The following NSD1 variants were observed in gnomAD, a reference collection of about 807,000 sequenced individuals.
NSD1 encodes nuclear receptor binding SET domain protein 1.
NSD1 carries 26 observed loss-of-function variants against 242.7 expected under a neutral mutation model. The ratio of observed to expected loss-of-function variants is 0.11; its 90% CI spans 0.08 to 0.15. The LOEUF (loss-of-function observed/expected upper bound fraction) is 0.15. Among genes scored for constraint, NSD1 ranks in the 10% least tolerant of loss-of-function variants. The probability of loss-of-function intolerance (pLI) is 1.00; values close to 1 mark genes in which losing one functional copy is unlikely to be tolerated. For missense variants in NSD1, 2,495 were observed against 3,272.8 expected, an observed-to-expected ratio of 0.76 and a Z score of 5.80; for synonymous variants, 1,106 against 1,178.1, an observed-to-expected ratio of 0.94 and a Z score of 1.25.
intron 2 of NSD1, among the ~76,000 whole-genome samples, chr5:177,138,342 T>A (rs562576884): frequency 6.6e-6 from 1 of 151,490 alleles, no homozygotes; most frequent in East Asian, 2.0e-4. Flanking sequence ...TTCAACCACC[T>A]CCTCCTGGGT....
At chr5:177,221,383 C>A (rs1000537251) in intron 5 of NSD1, among the ~76,000 whole-genome samples, 40 of 151,856 alleles carry the variant, frequency 2.6e-4, no homozygotes, top group African/African-American at 9.4e-4. Flanking sequence ...ATGTTGTTAC[C>A]ATGGGGCTTA....
At chr5:177,152,486 T>A (rs1301659185) in intron 2 of NSD1, among the ~76,000 whole-genome samples, 1 of 147,856 alleles carries the variant, frequency 6.8e-6, no homozygotes, top group African/African-American at 2.5e-5. Context: ...CTTTTTTTTT[T>A]TTTTTTTTTT....
intron 2 of NSD1, among the ~76,000 whole-genome samples, chr5:177,138,031 C>T (rs762133642): frequency 2.6e-5 from 4 of 151,216 alleles, no homozygotes; most frequent in Admixed American, 6.6e-5. Flanking sequence ...GCCAAGATTG[C>T]GCCATTGCAC....
chr5:177,258,892 C>T (rs927771218), intron 13 of NSD1, among the ~76,000 whole-genome samples: 3 of 151,942 alleles, frequency 2.0e-5, no homozygotes, highest in Non-Finnish European at 4.4e-5. Flanking sequence ...CTCTGTTGCC[C>T]AGTGTGATCT....
chr5:177,195,084 G>C (rs1022186457), intron 3 of NSD1, among the ~76,000 whole-genome samples: 2 of 152,024 alleles, frequency 1.3e-5, no homozygotes, highest in African/African-American at 4.8e-5. Context: ...GCTTGAGCCC[G>C]GGATGTGGAG....
At position 177,135,369 on chromosome 5, in the gene NSD1, G is replaced by A. The variant is rs867259682; in HGVS notation, c.266G>A (p.Gly89Glu). 6.2e-7 allele frequency: 1 copy of A among 1,612,624 alleles called. No homozygotes were observed. Among genetic ancestry groups the A allele is most frequent in the East Asian group, 2.2e-5 (1 of 44,856 alleles). Residue 89 changes from glycine to glutamate, a missense_variant, in exon 2 of 23, where the codon GGG (glycine) becomes GAG (glutamate). Physicochemically the swap from Gly to Glu is moderately conservative, Grantham distance 98. Around this residue, in one of 19 missense-constraint regions of NSD1, gnomAD observed 376 missense variants for 367.4 expected, o/e 1.02. Coordinates refer to ENST00000439151, the MANE Select transcript of NSD1 (RefSeq NM_022455.5). ...ATGATCAATGTAGAGTATTTAAATG[G>A]GTCTGCTGATGGATCAGAATCCTTT... ...ASMINVEYLNGSADGSESFQD... is the reference protein window; with the variant it reads ...ASMINVEYLNESADGSESFQD...
chr5:177,166,002 C>T (rs1333343173), intron 2 of NSD1, among the ~76,000 whole-genome samples: 8 of 151,574 alleles, frequency 5.3e-5, no homozygotes, highest in East Asian at 2.0e-4. Context: ...CTCCGCCTCC[C>T]GGGTTCAAGC....
At chr5:177,176,582 C>T (rs1401130036) in intron 2 of NSD1, among the ~76,000 whole-genome samples, 2 of 152,124 alleles carry the variant, frequency 1.3e-5, no homozygotes, top group Non-Finnish European at 2.9e-5. Context: ...CAGGCACACA[C>T]CACCACACCC....
chr5:177,207,384 G>C (rs770787609), intron 4 of NSD1, among the ~76,000 whole-genome samples: 1 of 151,562 alleles, frequency 6.6e-6, no homozygotes, highest in African/African-American at 2.4e-5. Flanking sequence ...CCGGGTTCAC[G>C]CCATTCTCCT....
chr5:177,230,366 A>T (rs994157799), intron 5 of NSD1, among the ~76,000 whole-genome samples: 1 of 152,156 alleles, frequency 6.6e-6, no homozygotes, highest in African/African-American at 2.4e-5. Context: ...CACCTAATAG[A>T]TGTATCCAGT....
intron 5 of NSD1, among the ~76,000 whole-genome samples, chr5:177,214,668 CTTTTT>C (rs35392696): frequency 8.1e-6 from 1 of 123,694 alleles, no homozygotes. Flanking sequence ...ACAGGATCAC[CTTTTT>C]TTTTTTTTTT....
chr5:177,136,326 G>C, intron 2 of NSD1: 1 of 226,860 alleles, frequency 4.4e-6, no homozygotes, highest in Non-Finnish European at 8.6e-6. Context: ...ATACATATAT[G>C]ATTAAAAAAA....
chr5:177,217,456 A>G (rs1763863753), intron 5 of NSD1, among the ~76,000 whole-genome samples: 1 of 152,170 alleles, frequency 6.6e-6, no homozygotes, highest in Non-Finnish European at 1.5e-5. Flanking sequence ...TTGCTTCCCT[A>G]TTTATTGCCT....
intron 5 of NSD1, among the ~76,000 whole-genome samples, chr5:177,219,804 A>G (rs982479323): frequency 3.9e-5 from 6 of 152,170 alleles, no homozygotes; most frequent in Non-Finnish European, 8.8e-5. Flanking sequence ...TCCACTAAAA[A>G]TACAAAAACT....
At chr5:177,223,585 CAA>C (rs1416876759) in intron 5 of NSD1, among the ~76,000 whole-genome samples, 1 of 151,986 alleles carries the variant, frequency 6.6e-6, no homozygotes, top group African/African-American at 2.4e-5. Context: ...AAAAACAAAA[CAA>C]GAGACAGCCA....
chr5:177,171,301 G>A (rs959694950), intron 2 of NSD1, among the ~76,000 whole-genome samples: 3 of 150,628 alleles, frequency 2.0e-5, no homozygotes, highest in Admixed American at 2.0e-4. Flanking sequence ...GCGAGACTCC[G>A]TCTCCAAAAA....
At chr5:177,200,043 CCAT>C (rs1652515777) in intron 3 of NSD1, among the ~76,000 whole-genome samples, 1 of 152,100 alleles carries the variant, frequency 6.6e-6, no homozygotes, top group Admixed American at 6.6e-5. Flanking sequence ...TCCCATATCC[CCAT>C]CATTGGTTAT....
intron 22 of NSD1, among the ~76,000 whole-genome samples, chr5:177,292,983 G>T (rs1759960585): frequency 6.6e-6 from 1 of 152,178 alleles, no homozygotes; most frequent in African/African-American, 2.4e-5. Context: ...CCCCAAATTG[G>T]CTTTCCTTCA....
chr5:177,264,613 T>C (rs1233098482), intron 14 of NSD1, among the ~76,000 whole-genome samples: 1 of 152,216 alleles, frequency 6.6e-6, no homozygotes, highest in African/African-American at 2.4e-5. Context: ...AAAGTGAGCT[T>C]TTCCAGTTGA....
Sources: allele counts gnomAD v4.1 joint callset (sites outside exome capture counted in the v4.1 genomes callset), GRCh38; gene constraint gnomAD v4.1.1; regional missense constraint gnomAD v4.1.1; transcripts MANE v1.5; gene names NCBI Gene and HGNC (gene_info 2026-07-23, HGNC 2026-07-21).